Variants in KCNU1 observed in about 807,000 individuals in gnomAD.
KCNU1 encodes potassium channel subfamily U member 1.
A neutral mutation model predicts 126.8 loss-of-function variants in KCNU1; 93 were observed. The observed-to-expected ratio is 0.73, with a 90% CI of 0.62 to 0.87. The LOEUF (loss-of-function observed/expected upper bound fraction) is 0.87, where lower values mean the gene tolerates loss of function less well. Ranked by LOEUF, KCNU1 falls within the 40% of genes least tolerant of loss-of-function variation. The pLI is 0.00. For missense variants in KCNU1, 1,330 were observed against 1,367.1 expected, an observed-to-expected ratio of 0.97 and a Z score of 0.43; for synonymous variants, 523 against 494.2, an observed-to-expected ratio of 1.06 and a Z score of -0.77.
rs930711171 is a variant in KCNU1, at chr8:36,922,714, A to G, written c.2736+85A>G. 2.3e-6 allele frequency: 3 copies of G among 1,330,862 alleles called. No individual in the cohort carries two copies. In the African/African-American group the frequency reaches 4.4e-5, roughly 20 times the overall value. 82.4% of individuals were successfully genotyped at this position (1,330,862 alleles called of 1,614,324 possible). Reference sequence around the variant, plus strand: ...GTAGTATAAGGCTGAGTAGATGATAACACCTCACAGTTCTAAGTTCTCTTT... The same window carrying G: ...GTAGTATAAGGCTGAGTAGATGATAGCACCTCACAGTTCTAAGTTCTCTTT... On this transcript the variant is annotated intron_variant, in intron 24 of 26. Coordinates refer to ENST00000399881, the MANE Select transcript of KCNU1 (RefSeq NM_001031836.3).
At chr8:36,891,363 C>A (rs966773652) in intron 19 of KCNU1, among the ~76,000 whole-genome samples, 1 of 151,962 alleles carries the variant, frequency 6.6e-6, no homozygotes, top group African/African-American at 2.4e-5. Flanking sequence ...CAAATTACAT[C>A]TTTATAATAT....
intron 18 of KCNU1, among the ~76,000 whole-genome samples, chr8:36,860,843 G>A (rs1563300796): frequency 6.6e-6 from 1 of 151,876 alleles, no homozygotes. Context: ...CAAGAAATGA[G>A]TTGAGTAGGT....
chr8:36,929,000 T>A (rs922101435), intron 24 of KCNU1: 4 of 699,542 alleles, frequency 5.7e-6, no homozygotes, highest in Non-Finnish European at 1.0e-5. Flanking sequence ...AATTTAGCAA[T>A]GTGTGCAGTA....
At chr8:36,912,199 C>T (rs1241246028) in intron 22 of KCNU1, among the ~76,000 whole-genome samples, 1 of 152,176 alleles carries the variant, frequency 6.6e-6, no homozygotes, top group African/African-American at 2.4e-5. Context: ...CAAGGCTTTT[C>T]ATGATAATGG....
At chr8:36,919,592 G>C (rs1225895733) in intron 23 of KCNU1, among the ~76,000 whole-genome samples, 1 of 152,052 alleles carries the variant, frequency 6.6e-6, no homozygotes, top group Admixed American at 6.6e-5. Flanking sequence ...TGCATTGCTG[G>C]GGCACCAGGG....
chr8:36,873,694 G>T (rs1051948225), intron 19 of KCNU1, among the ~76,000 whole-genome samples: 1 of 152,120 alleles, frequency 6.6e-6, no homozygotes, highest in Non-Finnish European at 1.5e-5. Flanking sequence ...GAACTTCAGG[G>T]TTGCTGGGCA....
chr8:36,925,024 A>T (rs1808487824), intron 24 of KCNU1, among the ~76,000 whole-genome samples: 1 of 152,148 alleles, frequency 6.6e-6, no homozygotes, highest in Admixed American at 6.6e-5. Context: ...TTTGGTCATG[A>T]GCCTGATTCC....
At chr8:36,872,357 C>A (rs933779120) in intron 19 of KCNU1, among the ~76,000 whole-genome samples, 1 of 152,128 alleles carries the variant, frequency 6.6e-6, no homozygotes, top group Admixed American at 6.5e-5. Flanking sequence ...AATACCACAT[C>A]TCGAAGCCTA....
chr8:36,914,515 T>C (rs1394611997), intron 22 of KCNU1, among the ~76,000 whole-genome samples: 2 of 152,138 alleles, frequency 1.3e-5, no homozygotes, highest in Non-Finnish European at 2.9e-5. Flanking sequence ...TTTGTAGTAA[T>C]GATAAACATA....
chr8:36,824,791 A>G (rs891410510), intron 10 of KCNU1, among the ~76,000 whole-genome samples: 1 of 152,118 alleles, frequency 6.6e-6, no homozygotes, highest in African/African-American at 2.4e-5. Context: ...TGTTATATTT[A>G]TCCATATTGC....
intron 19 of KCNU1, among the ~76,000 whole-genome samples, chr8:36,900,347 T>C (rs1807364674): frequency 6.6e-6 from 1 of 152,118 alleles, no homozygotes; most frequent in South Asian, 2.1e-4. Context: ...ATTATCAATT[T>C]TTTAAACCTT....
At position 36,854,632 on chromosome 8, in the gene KCNU1, T is replaced by A. The variant is rs76981941; in HGVS notation, c.1891+8733T>A. 5.3e-3 allele frequency among the ~76,000 whole-genome samples: 807 copies of A among 152,218 alleles called. 1 individual carries two copies. The highest frequency in any genetic ancestry group is 6.7e-3 in the Non-Finnish European group (459 of 68,004). On this transcript the variant is annotated intron_variant, in intron 18 of 26. Transcript: ENST00000399881. ...TGAGACATCATTCTCATATTCCTTT[T>A]GGTTATTTATATATAGGTTTTTAAA...
chr8:36,909,361 T>C lies in KCNU1; in HGVS notation c.2157T>C (p.Cys719=), dbSNP rs756887751. The change falls in exon 21 of 27, where the codon TGT becomes TGC. Residue 719 remains cysteine (C), a synonymous_variant. Coordinates refer to ENST00000399881, the MANE Select transcript of KCNU1 (RefSeq NM_001031836.3). ...AGTTTCGGAACCATATTGTAGCATGTGTATTTGGAGATGCCCACTCAGCCC... is the reference window on the plus strand; with the variant it reads ...AGTTTCGGAACCATATTGTAGCATGCGTATTTGGAGATGCCCACTCAGCCC... ...KYKFRNHIVA[C]VFGDAHSAPM... 7 of 1,613,738 alleles carry C rather than the reference T, an allele frequency of 4.3e-6. No individual in the cohort carries two copies. Among genetic ancestry groups the C allele is most frequent in the Non-Finnish European group, 2.5e-6 (3 of 1,179,696 alleles).
At chr8:36,851,406 T>C (rs1206246219) in intron 18 of KCNU1, among the ~76,000 whole-genome samples, 2 of 151,922 alleles carry the variant, frequency 1.3e-5, no homozygotes, top group Non-Finnish European at 2.9e-5. Flanking sequence ...TCTCTCTCTC[T>C]CTCTCTGTCT....
At chr8:36,805,462 A>G (rs1042889522) in intron 4 of KCNU1, among the ~76,000 whole-genome samples, 177 bp downstream of exon 4, 2 of 152,174 alleles carry the variant, frequency 1.3e-5, no homozygotes, top group Non-Finnish European at 2.9e-5. Context: ...CCTGCACGTG[A>G]AACGCTAAAC....
chr8:36,810,921 G>A (rs965971406), intron 7 of KCNU1, among the ~76,000 whole-genome samples: 1 of 152,128 alleles, frequency 6.6e-6, no homozygotes, highest in African/African-American at 2.4e-5. Flanking sequence ...ATCCTTCATA[G>A]AATATTTATA....
At chr8:36,883,514 T>C (rs543042243) in intron 19 of KCNU1, among the ~76,000 whole-genome samples, 3 of 152,208 alleles carry the variant, frequency 2.0e-5, no homozygotes, top group Non-Finnish European at 2.9e-5. Flanking sequence ...CTTGGCAACA[T>C]GGTTCATGCC....
intron 19 of KCNU1, among the ~76,000 whole-genome samples, chr8:36,885,366 C>T (rs570170482): frequency 6.6e-5 from 10 of 151,808 alleles, no homozygotes. Flanking sequence ...ACCAGCCCGA[C>T]CAACATGATG....
chr8:36,925,337 G>T (rs557670618), intron 24 of KCNU1, among the ~76,000 whole-genome samples: 1 of 152,138 alleles, frequency 6.6e-6, no homozygotes, highest in Non-Finnish European at 1.5e-5. Flanking sequence ...CGGCAATGGA[G>T]CATCAGGGAA....
Sources: gnomAD v4.1 joint callset for allele counts (sites outside exome capture counted in the v4.1 genomes callset) on GRCh38, gnomAD v4.1.1 for gene constraint, MANE v1.5 for transcripts, NCBI Gene and HGNC (gene_info 2026-07-23, HGNC 2026-07-21) for gene names.